Variants in LIMCH1 observed in about 807,000 individuals in gnomAD.
LIMCH1 encodes LIM and calponin homology domains-containing protein 1.
Under a neutral mutation model 176.5 loss-of-function variants are expected in LIMCH1, and 113 were observed. That is an observed-to-expected ratio of 0.64 (90% CI 0.55 to 0.75). The LOEUF (loss-of-function observed/expected upper bound fraction) is 0.75. Ranked by LOEUF, LIMCH1 falls within the 30% of genes least tolerant of loss-of-function variation. The probability of loss-of-function intolerance (pLI) is 0.00; values close to 1 mark genes in which losing one functional copy is unlikely to be tolerated. For synonymous variants in LIMCH1, 619 were observed against 645.9 expected (o/e 0.96, Z 0.63); for missense variants, 1,674 against 1,814.9 (o/e 0.92, Z 1.41).
In LIMCH1 at chr4:41,626,977, G is replaced by A; in HGVS notation, c.995G>A (p.Gly332Glu). 6.5e-7 allele frequency: 1 copy of A among 1,534,456 alleles called. No homozygotes were observed. Residue 332 changes from glycine to glutamate, a missense_variant, in exon 8 of 32, where the codon GGA becomes GAA. Gly to Glu is a moderately conservative substitution (Grantham distance 98, BLOSUM62 -2). Transcript: ENST00000503057. ...GATGGCAGCAAACAGCTCTCAAAGG[G>A]AATCTCAAAAAAAAGAAGTCTAGAA... ...KSDGSKQLSK[G>E]ISKKRSLEYK...
intron 2 of LIMCH1, among the ~76,000 whole-genome samples, chr4:41,502,050 T>G (rs2073395863): frequency 7.2e-6 from 1 of 139,150 alleles, no homozygotes; most frequent in Admixed American, 7.4e-5. Context: ...ATGCTCTCCC[T>G]CCCCCAATGA....
chr4:41,490,167 C>T (rs2070500822), intron 1 of LIMCH1, among the ~76,000 whole-genome samples: 1 of 151,778 alleles, frequency 6.6e-6, no homozygotes, highest in Non-Finnish European at 1.5e-5. Context: ...CAAGCACACT[C>T]AGTGTCACTT....
rs746899516 is a variant in LIMCH1 at position 41,613,478 on chromosome 4, A to G, written c.22A>G (p.Ile8Val). 1 of 1,613,916 alleles carries G rather than the reference A, an allele frequency of 6.2e-7. No individual in the cohort carries two copies. The highest frequency in any genetic ancestry group is 8.5e-7 in the Non-Finnish European group (1 of 1,179,886). Residue 8 changes from isoleucine to valine, a missense_variant, in exon 5 of 32, where the codon ATT becomes GTT. Around this residue, in one of 3 missense-constraint regions of LIMCH1, gnomAD observed 655 missense variants for 692.2 expected, o/e 0.95. Transcript: ENST00000503057. The stretch of plus-strand genomic sequence containing the variant: ...TCTTTTTTGACAGGACACTGATGAC[A>G]TTGAAAGTCCTAAACGCAGTATCCG... MRKDTDDIESPKRSIRDS... is the reference protein window; with the variant it reads MRKDTDDVESPKRSIRDS...
intron 1 of LIMCH1, among the ~76,000 whole-genome samples, chr4:41,475,622 C>T (rs1029605825): frequency 6.6e-6 from 1 of 151,996 alleles, no homozygotes; most frequent in Non-Finnish European, 1.5e-5. Context: ...TAGGTCATTT[C>T]TCAGGATGAC....
chr4:41,654,322 G>A (rs1382477413), intron 18 of LIMCH1, among the ~76,000 whole-genome samples: 3 of 152,168 alleles, frequency 2.0e-5, no homozygotes, highest in Admixed American at 6.5e-5. Flanking sequence ...AGTCAGCCAC[G>A]AGATCACGAG....
intron 2 of LIMCH1, among the ~76,000 whole-genome samples, chr4:41,495,994 G>A (rs2072051796): frequency 6.6e-6 from 1 of 152,128 alleles, no homozygotes; most frequent in African/African-American, 2.4e-5. Flanking sequence ...TCTTAGGTAA[G>A]CTGCAGTTAC....
chr4:41,397,328 T>C (rs1231647161), intron 1 of LIMCH1, among the ~76,000 whole-genome samples: 1 of 152,250 alleles, frequency 6.6e-6, no homozygotes, highest in Non-Finnish European at 1.5e-5. Flanking sequence ...CTTTGGGCTT[T>C]TTATGGCATG....
intron 1 of LIMCH1, among the ~76,000 whole-genome samples, chr4:41,475,084 A>G (rs192610913): frequency 3.3e-5 from 5 of 152,258 alleles, no homozygotes; most frequent in African/African-American, 1.2e-4. Flanking sequence ...AATTTTCAGG[A>G]GTTTAGTGGA....
At chr4:41,687,411 C>A (rs1721723940) in intron 28 of LIMCH1, among the ~76,000 whole-genome samples, 1 of 152,152 alleles carries the variant, frequency 6.6e-6, no homozygotes, top group African/African-American at 2.4e-5. Context: ...TCTCTGGGCT[C>A]TCCTTGAAGA....
At chr4:41,394,522 G>A (rs2057594434) in intron 1 of LIMCH1, among the ~76,000 whole-genome samples, 1 of 152,114 alleles carries the variant, frequency 6.6e-6, no homozygotes, top group Admixed American at 6.5e-5. Flanking sequence ...CTGGGGCTTG[G>A]TATTTAAAAC....
intron 2 of LIMCH1, among the ~76,000 whole-genome samples, chr4:41,512,752 G>A (rs1583333632): frequency 6.6e-6 from 1 of 152,274 alleles, no homozygotes; most frequent in African/African-American, 2.4e-5. Flanking sequence ...GGGGGTTGTG[G>A]GTGAGTAAGA....
At chr4:41,518,985 G>A (rs1380200348) in intron 2 of LIMCH1, among the ~76,000 whole-genome samples, 1 of 152,094 alleles carries the variant, frequency 6.6e-6, no homozygotes, top group Non-Finnish European at 1.5e-5. Context: ...GTCTGTCATT[G>A]ATGGGCATTT....
rs138838877 is a variant in LIMCH1 at position 41,607,822 on chromosome 4, T to A, written c.9+1818T>A. On this transcript the variant is annotated intron_variant, in intron 4 of 31. Coordinates refer to ENST00000503057, the MANE Select transcript of LIMCH1 (RefSeq NM_001330672.2). ...ACAGGACATGGTGGAGTAAGTAGTA[T>A]CCCTGGATACATGACTCTTAGCAAA... Among the ~76,000 whole-genome samples the A allele has an allele frequency of 1.2e-3, 184 of 152,312 alleles. 3 individuals carry two copies. The East Asian group carries it at 0.031, about 26-fold the overall frequency.
At chr4:41,620,852 A>G (rs549385510) in intron 7 of LIMCH1, among the ~76,000 whole-genome samples, 162 bp downstream of exon 7, 2 of 152,338 alleles carry the variant, frequency 1.3e-5, no homozygotes, top group Non-Finnish European at 1.5e-5. Flanking sequence ...TCTTTGCCTT[A>G]AGGCATGTCT....
intron 1 of LIMCH1, among the ~76,000 whole-genome samples, chr4:41,484,697 A>G (rs917798773): frequency 2.6e-5 from 4 of 152,192 alleles, no homozygotes; most frequent in African/African-American, 9.7e-5. Context: ...TTTAGGGAAT[A>G]TATTCATGTC....
At chr4:41,453,093 G>A (rs566145431) in intron 1 of LIMCH1, among the ~76,000 whole-genome samples, 1 of 152,274 alleles carries the variant, frequency 6.6e-6, no homozygotes, top group East Asian at 1.9e-4. Flanking sequence ...TTTATCGGTG[G>A]CCAGGTGGTG....
chr4:41,498,213 A>G (rs1561552038), intron 2 of LIMCH1, among the ~76,000 whole-genome samples: 1 of 152,188 alleles, frequency 6.6e-6, no homozygotes, highest in Non-Finnish European at 1.5e-5. Flanking sequence ...AAACGAGAAT[A>G]GTGGACCTGG....
chr4:41,652,432 C>T (rs575366582), intron 18 of LIMCH1, among the ~76,000 whole-genome samples: 5 of 152,128 alleles, frequency 3.3e-5, no homozygotes, highest in Non-Finnish European at 7.4e-5. Flanking sequence ...ACTTGGACTT[C>T]CTGGACTTCC....
intron 1 of LIMCH1, among the ~76,000 whole-genome samples, chr4:41,373,790 A>T (rs949181647): frequency 1.3e-5 from 2 of 152,120 alleles, no homozygotes; most frequent in African/African-American, 4.8e-5. Flanking sequence ...CCCAAATCTC[A>T]TGTTGAATTG....
Sources: allele counts gnomAD v4.1 joint callset (sites outside exome capture counted in the v4.1 genomes callset), GRCh38; gene constraint gnomAD v4.1.1; regional missense constraint gnomAD v4.1.1; transcripts MANE v1.5; gene names NCBI Gene and HGNC (gene_info 2026-07-23, HGNC 2026-07-21).